PRDM5: variants seen among roughly 807,000 people sequenced by gnomAD.
PRDM5 encodes PR/SET domain 5, also known as PR domain zinc finger protein 5.
PRDM5 carries 56 observed loss-of-function variants against 81.2 expected under a neutral mutation model. That is an observed-to-expected ratio of 0.69 (90% CI 0.56 to 0.86). PRDM5 has a LOEUF of 0.86. PRDM5 is among the 40% of genes least tolerant of loss of function. The pLI, the probability that PRDM5 is intolerant of heterozygous loss-of-function variation, is 0.00. For missense variants in PRDM5, 697 were observed against 770.1 expected (o/e 0.91, Z 1.12); for synonymous variants, 267 against 256.4 (o/e 1.04, Z -0.39).
chr4:120,813,545 T>G (rs1338722898), intron 7 of PRDM5, among the ~76,000 whole-genome samples: 3 of 152,242 alleles, frequency 2.0e-5, no homozygotes, highest in Non-Finnish European at 4.4e-5. Flanking sequence ...GTCTTATTAT[T>G]CAAGATGCCT....
chr4:120,919,152 A>G (rs1724585900), intron 1 of PRDM5, among the ~76,000 whole-genome samples: 1 of 152,186 alleles, frequency 6.6e-6, no homozygotes, highest in Admixed American at 6.5e-5. Context: ...ACCCTCCTAA[A>G]GTAGACCCAC....
In PRDM5 at chr4:120,887,918, A is replaced by C. The variant is rs1297947286; in HGVS notation, c.177+19556T>G. Reference sequence around the variant, plus strand: ...CGCCATTCTCCTGCCTCAGCCTCCCAAGTAGCTGGGACTACAGGCGCCCGC... The same window carrying C: ...CGCCATTCTCCTGCCTCAGCCTCCCCAGTAGCTGGGACTACAGGCGCCCGC... On this transcript the variant is annotated intron_variant, in intron 2 of 15. Transcript: ENST00000264808. Among the ~76,000 whole-genome samples, 8 of 98,768 alleles carry C rather than the reference A, an allele frequency of 8.1e-5. 4 individuals carry two copies. The highest frequency in any genetic ancestry group is 3.7e-4 in the African/African-American group (6 of 16,428). The allele number at this position is 98,768 out of a possible 152,430, so 64.8% of individuals were successfully genotyped here.
chr4:120,906,664 T>C (rs934606316), intron 2 of PRDM5, among the ~76,000 whole-genome samples: 5 of 152,198 alleles, frequency 3.3e-5, no homozygotes, highest in Admixed American at 3.3e-4. Flanking sequence ...AGACATATAC[T>C]GGCATATACA....
At chr4:120,748,556 C>G (rs796506748) in intron 14 of PRDM5, among the ~76,000 whole-genome samples, 35 of 151,702 alleles carry the variant, frequency 2.3e-4, no homozygotes, top group African/African-American at 7.7e-4. Context: ...ACTACAGGAC[C>G]ACTGAACCCA....
At chr4:120,854,704 G>T (rs1759671699) in intron 2 of PRDM5, among the ~76,000 whole-genome samples, 1 of 152,000 alleles carries the variant, frequency 6.6e-6, no homozygotes, top group East Asian at 1.9e-4. Context: ...GTAAAGATGA[G>T]TACTATGATG....
intron 3 of PRDM5, among the ~76,000 whole-genome samples, chr4:120,832,707 T>C (rs1756870047): frequency 6.6e-6 from 1 of 152,128 alleles, no homozygotes; most frequent in Non-Finnish European, 1.5e-5. Flanking sequence ...TGTCATTTCC[T>C]TTTGAATTAG....
Position 120,694,847 on chromosome 4 carries a change from C to A in PRDM5, c.*264G>T. ...TGGCCAAGAAAGAGAGCCATGACTC[C>A]TTTCTCCATTTTTATAAGACAGAGC... On this transcript the variant is annotated 3_prime_UTR_variant, in exon 16 of 16. Coordinates refer to ENST00000264808, the MANE Select transcript of PRDM5 (RefSeq NM_018699.4). 2.3e-6 allele frequency: 1 copy of A among 434,204 alleles called. No individual in the cohort carries two copies. Among genetic ancestry groups the A allele is most frequent in the Non-Finnish European group, 4.2e-6 (1 of 235,310 alleles). The allele number at this position is 434,204 out of a possible 1,614,324, so 26.9% of individuals were successfully genotyped here.
chr4:120,723,915 T>A (rs1346468814), intron 14 of PRDM5, among the ~76,000 whole-genome samples: 2 of 141,716 alleles, frequency 1.4e-5, no homozygotes, highest in Non-Finnish European at 3.0e-5. Flanking sequence ...AAATTTAAGA[T>A]AGCTTGAATT....
At chr4:120,792,704 CACA>C (rs1258539005) in intron 10 of PRDM5, among the ~76,000 whole-genome samples, 6 of 152,082 alleles carry the variant, frequency 3.9e-5, no homozygotes, top group Non-Finnish European at 8.8e-5. Context: ...GGTATATAGA[CACA>C]ATGTAATACT....
intron 14 of PRDM5, among the ~76,000 whole-genome samples, chr4:120,721,467 T>C (rs952471578): frequency 1.3e-5 from 2 of 152,116 alleles, no homozygotes; most frequent in African/African-American, 4.8e-5. Context: ...ACCATAAGCA[T>C]TGTAATGATA....
chr4:120,710,469 T>G, intron 14 of PRDM5, 56 bp from the exon 15 acceptor site: 1 of 1,330,690 alleles, frequency 7.5e-7, no homozygotes, highest in Non-Finnish European at 1.1e-6. Flanking sequence ...GAATGCAGAG[T>G]CCTCCATATT....
chr4:120,834,192 T>C (rs1578919985), intron 3 of PRDM5, among the ~76,000 whole-genome samples: 1 of 152,268 alleles, frequency 6.6e-6, no homozygotes. Flanking sequence ...GAAATGTTCA[T>C]TTGATCAATG....
downstream of PRDM5, among the ~76,000 whole-genome samples, chr4:120,688,274 T>C (rs975319487): frequency 2.0e-5 from 3 of 152,092 alleles, no homozygotes; most frequent in African/African-American, 7.2e-5. Flanking sequence ...TTTGGCCATT[T>C]ATCTTCTTTG....
chr4:120,880,945 T>C (rs1243540414), intron 2 of PRDM5, among the ~76,000 whole-genome samples: 1 of 152,072 alleles, frequency 6.6e-6, no homozygotes, highest in African/African-American at 2.4e-5. Flanking sequence ...TTGTATAAAT[T>C]GAAAAACAAC....
At chr4:120,710,240 T>G (rs200589987) in intron 15 of PRDM5, 69 bp downstream of exon 15, 2 of 1,026,344 alleles carry the variant, frequency 1.9e-6, no homozygotes, top group East Asian at 2.9e-5. Context: ...CACACACACA[T>G]ACACACACAC....
At chr4:120,905,742 A>G (rs1271878314) in intron 2 of PRDM5, among the ~76,000 whole-genome samples, 1 of 152,142 alleles carries the variant, frequency 6.6e-6, no homozygotes, top group Non-Finnish European at 1.5e-5. Flanking sequence ...CCTTACTGAT[A>G]CATGCAAGAG....
At position 120,811,410 on chromosome 4, in the gene PRDM5, T is replaced by C. The variant is rs781373908; in HGVS notation, c.905A>G (p.Lys302Arg). The C allele has an allele frequency of 1.2e-6, 2 of 1,603,598 alleles. No homozygotes were observed. Among genetic ancestry groups the C allele is most frequent in the Non-Finnish European group, 1.7e-6 (2 of 1,172,492 alleles). The stretch of plus-strand genomic sequence containing the variant: ...TAGGCTTGATGCTGAAGAACACTTT[T>C]TATTGCACACTGAACATATAAGCTT... ...KKKLICSVCN[K>R]KCSSASSLQE... The change falls in exon 8 of 16, where the codon AAA becomes AGA. Residue 302 changes from lysine (K) to arginine (R), a missense_variant. By Grantham distance (26) the Lys-to-Arg change is conservative. This residue lies in a region of PRDM5 where 577 missense variants were observed against 606.7 expected (regional missense o/e 0.95). Coordinates refer to ENST00000264808, the MANE Select transcript of PRDM5 (RefSeq NM_018699.4).
At position 120,907,475 on chromosome 4, in the gene PRDM5, T is replaced by A; in HGVS notation, c.176A>T (p.Glu59Val). The change falls in exon 2 of 16, where the codon GAG (glutamate) becomes GTG (valine). Residue 59 changes from glutamate to valine, a missense_variant and splice_region_variant. Coordinates refer to ENST00000264808, the MANE Select transcript of PRDM5 (RefSeq NM_018699.4). ...DENMDYRLMWEVRGSKGEVLY... is the reference protein window; with the variant it reads ...DENMDYRLMWVVRGSKGEVLY... ...CATTAAAATAAGTCATATCCTCACC[T>A]CCCACATCAACCTGTAATCCATATT... The A allele has an allele frequency of 6.3e-7, 1 of 1,596,950 alleles. No individual in the cohort carries two copies. The highest frequency in any genetic ancestry group is 8.6e-7 in the Non-Finnish European group (1 of 1,164,476).
chr4:120,712,496 A>G (rs1490440636), intron 14 of PRDM5, among the ~76,000 whole-genome samples: 3 of 152,056 alleles, frequency 2.0e-5, no homozygotes, highest in South Asian at 2.1e-4. Context: ...GCCGCTCTCA[A>G]TTGCCTCCTC....
Sources: gnomAD v4.1 joint callset for allele counts (sites outside exome capture counted in the v4.1 genomes callset) on GRCh38, gnomAD v4.1.1 for gene constraint, gnomAD v4.1.1 regional missense constraint, MANE v1.5 for transcripts, NCBI Gene and HGNC (gene_info 2026-07-23, HGNC 2026-07-21) for gene names.